The following PASD1 variants were observed in gnomAD, a reference collection of about 807,000 sequenced individuals.
PASD1 encodes circadian clock protein PASD1.
Under a neutral mutation model 58.8 loss-of-function variants are expected in PASD1, and 13 were observed. That is an observed-to-expected ratio of 0.22 (90% CI 0.14 to 0.35). The LOEUF (loss-of-function observed/expected upper bound fraction) is 0.35, where lower values mean the gene tolerates loss of function less well. Ranked by LOEUF, PASD1 falls within the 10% of genes least tolerant of loss-of-function variation. The pLI, the probability that PASD1 is intolerant of heterozygous loss-of-function variation, is 1.00. For missense variants in PASD1, 734 were observed against 568.3 expected (o/e 1.29, Z -2.96); for synonymous variants, 236 against 216.7 (o/e 1.09, Z -0.78).
chrX:151,600,596 C>T (rs893086248), intron 1 of PASD1, among the ~76,000 whole-genome samples: 1 of 110,482 alleles, frequency 9.1e-6, no homozygotes, highest in African/African-American at 3.3e-5. Context: ...TAATGTTAGC[C>T]TCTGGGAGTC....
intron 1 of PASD1, among the ~76,000 whole-genome samples, chrX:151,565,888 G>A (rs2012834592): frequency 8.9e-6 from 1 of 111,769 alleles, no homozygotes. Context: ...TGGCCTTTAT[G>A]GGCAGATTTC....
At chrX:151,626,195 A>G (rs1305375648) in intron 8 of PASD1, among the ~76,000 whole-genome samples, 1 of 112,100 alleles carries the variant, frequency 8.9e-6, no homozygotes, top group African/African-American at 3.2e-5. Flanking sequence ...AAGAAAGGTA[A>G]TGTTTAGACA....
At chrX:151,675,251 C>T (rs1311589996) in intron 15 of PASD1, among the ~76,000 whole-genome samples, 2 of 111,630 alleles carry the variant, frequency 1.8e-5, no homozygotes, top group African/African-American at 3.3e-5. Flanking sequence ...GTCCACAAAA[C>T]CTCAGGGGCT....
intron 10 of PASD1, among the ~76,000 whole-genome samples, chrX:151,663,295 T>A (rs1389157226): frequency 8.9e-6 from 1 of 112,215 alleles, no homozygotes; most frequent in East Asian, 2.8e-4. Context: ...GTAAGAGGAA[T>A]CATATGACAT....
chrX:151,574,780 A>G (rs1435034097), intron 1 of PASD1, among the ~76,000 whole-genome samples: 2 of 112,221 alleles, frequency 1.8e-5, no homozygotes, highest in Non-Finnish European at 3.8e-5. Flanking sequence ...GAATCTGTTA[A>G]AAGAAGTTTT....
chrX:151,662,371 CT>C (rs1242324323), intron 10 of PASD1, among the ~76,000 whole-genome samples: 2 of 109,200 alleles, frequency 1.8e-5, no homozygotes, highest in Middle Eastern at 4.7e-3. Context: ...ATGTCTGCAT[CT>C]TTTTTTTTCC....
chrX:151,592,846 A>G (rs994403398), intron 1 of PASD1, among the ~76,000 whole-genome samples: 1 of 111,799 alleles, frequency 8.9e-6, no homozygotes. Context: ...AGCTGCCTGG[A>G]TGTGGTGTTC....
rs748650193 is a variant in PASD1, at chrX:151,629,200, A to G, written c.629+3670A>G. On this transcript the variant is annotated intron_variant, in intron 8 of 15. Transcript: ENST00000370357. ...AGTGGTGCAATCTCGGCTCGCTGCAACCTCCACCTGCCGGGTTCAAGCGAT... is the reference window on the plus strand; with the variant it reads ...AGTGGTGCAATCTCGGCTCGCTGCAGCCTCCACCTGCCGGGTTCAAGCGAT... 7.2e-5 allele frequency among the ~76,000 whole-genome samples: 8 copies of G among 110,410 alleles called. No individual in the cohort carries two copies. The South Asian group carries it at 3.2e-3, about 44-fold the overall frequency.
chrX:151,599,432 G>C (rs998581291), intron 1 of PASD1, among the ~76,000 whole-genome samples: 2 of 109,860 alleles, frequency 1.8e-5, no homozygotes, highest in Non-Finnish European at 3.8e-5. Context: ...CGGACGGGGC[G>C]GCTGGCCGGG....
intron 11 of PASD1, among the ~76,000 whole-genome samples, chrX:151,667,087 T>A (rs1248348288): frequency 8.9e-6 from 1 of 111,793 alleles, no homozygotes; most frequent in Non-Finnish European, 1.9e-5. Context: ...CTAACTGGTG[T>A]GAGATGGTAT....
chrX:151,672,719 G>A, intron 14 of PASD1, 58 bp downstream of exon 14: 2 of 1,179,076 alleles, frequency 1.7e-6, no homozygotes, highest in Non-Finnish European at 2.3e-6. Flanking sequence ...CCTCATGGCT[G>A]GATCCCATGC....
At chrX:151,574,637 C>T (rs1397386099) in intron 1 of PASD1, among the ~76,000 whole-genome samples, 1 of 111,806 alleles carries the variant, frequency 8.9e-6, no homozygotes, top group African/African-American at 3.3e-5. Context: ...TATATTTTGC[C>T]AAACATCAGA....
At chrX:151,635,958 CAT>C (rs1302552588) in intron 8 of PASD1, among the ~76,000 whole-genome samples, 2 of 111,622 alleles carry the variant, frequency 1.8e-5, no homozygotes, top group African/African-American at 6.5e-5. Context: ...GCAGTGTATA[CAT>C]ATGTCAAAAC....
chrX:151,635,948 G>A (rs955254209), intron 8 of PASD1, among the ~76,000 whole-genome samples: 1 of 111,235 alleles, frequency 9.0e-6, no homozygotes, highest in Non-Finnish European at 1.9e-5. Context: ...TAGCCATCCC[G>A]CAGTGTATAC....
chrX:151,567,085 TAAATAAATA>T (rs1367001506), intron 1 of PASD1, among the ~76,000 whole-genome samples: 28 of 99,091 alleles, frequency 2.8e-4, no homozygotes, highest in South Asian at 1.2e-3. Flanking sequence ...AATAAATAAA[TAAATAAATA>T]AAATAAAATA....
chrX:151,668,986 C>A (rs949646827), intron 11 of PASD1, among the ~76,000 whole-genome samples: 1 of 107,312 alleles, frequency 9.3e-6, no homozygotes, highest in African/African-American at 3.4e-5. Context: ...AAGCAGTTCT[C>A]CCACGTCAGC....
chrX:151,639,869 A>G (rs978930213), intron 8 of PASD1, among the ~76,000 whole-genome samples: 7 of 112,388 alleles, frequency 6.2e-5, no homozygotes, highest in African/African-American at 1.9e-4. Flanking sequence ...ATTGGAAACT[A>G]ACAGAGCTGA....
intron 11 of PASD1, among the ~76,000 whole-genome samples, chrX:151,670,835 A>G (rs1477772843): frequency 1.8e-5 from 2 of 112,174 alleles, no homozygotes; most frequent in Non-Finnish European, 3.8e-5. Context: ...ATCAGGCTAA[A>G]TGATCTCCGT....
chrX:151,663,180 A>G (rs1054362526), intron 10 of PASD1, among the ~76,000 whole-genome samples: 1 of 111,469 alleles, frequency 9.0e-6, no homozygotes, highest in African/African-American at 3.3e-5. Flanking sequence ...ATCACCCCCA[A>G]AATTCCTTTG....
Sources: gnomAD v4.1 joint callset for allele counts (sites outside exome capture counted in the v4.1 genomes callset) on GRCh38, gnomAD v4.1.1 for gene constraint, MANE v1.5 for transcripts, NCBI Gene and HGNC (gene_info 2026-07-23, HGNC 2026-07-21) for gene names.